Variants in DENND2A observed in about 807,000 individuals in gnomAD.
The protein encoded by DENND2A is DENN domain containing 2A, also known as DENN domain-containing protein 2A.
A neutral mutation model predicts 105.3 loss-of-function variants in DENND2A; 53 were observed. That is an observed-to-expected ratio of 0.50 (90% CI 0.40 to 0.63). DENND2A has a LOEUF of 0.63. Among genes scored for constraint, DENND2A ranks in the 30% least tolerant of loss-of-function variants. The pLI, the probability that DENND2A is intolerant of heterozygous loss-of-function variation, is 0.00. For synonymous variants in DENND2A, 522 were observed against 508.4 expected, an observed-to-expected ratio of 1.03 and a Z score of -0.36; for missense variants, 1,138 against 1,279.6, an observed-to-expected ratio of 0.89 and a Z score of 1.69.
intron 1 of DENND2A, among the ~76,000 whole-genome samples, chr7:140,633,480 C>T (rs1020815048): frequency 6.6e-6 from 1 of 152,180 alleles, no homozygotes; most frequent in Non-Finnish European, 1.5e-5. Context: ...ACTTTCTCTA[C>T]AGTCCTACTT....
intron 11 of DENND2A, among the ~76,000 whole-genome samples, 193 bp from the exon 12 acceptor site, chr7:140,555,906 T>C (rs982342139): frequency 6.6e-6 from 1 of 152,260 alleles, no homozygotes; most frequent in African/African-American, 2.4e-5. Context: ...TATCCCTATA[T>C]GTTTATTATA....
At position 140,562,168 on chromosome 7, in the gene DENND2A, G is replaced by A. The variant is rs573374954; in HGVS notation, c.1780-2351C>T. Among the ~76,000 whole-genome samples the A allele has an allele frequency of 8.5e-5, 13 of 152,074 alleles. 1 individual carries two copies. The South Asian group carries it at 1.9e-3, about 22-fold the overall frequency. Reference sequence around the variant, plus strand: ...CTCCCAAAGTGTTGGGATTACAGGCGTGAGCCACCGCGCCCGGCCCGAGCT... The same window carrying A: ...CTCCCAAAGTGTTGGGATTACAGGCATGAGCCACCGCGCCCGGCCCGAGCT... On this transcript the variant is annotated intron_variant, in intron 9 of 19. Coordinates refer to ENST00000496613, the MANE Select transcript of DENND2A (RefSeq NM_015689.5).
intron 18 of DENND2A, 109 bp from the exon 19 acceptor site, chr7:140,519,827 C>T (rs778280402): frequency 1.2e-4 from 114 of 967,410 alleles, no homozygotes; most frequent in Middle Eastern, 2.1e-4. Context: ...TGAGACTAAG[C>T]TGCTCCTATA....
chr7:140,527,665 G>T lies in DENND2A; in HGVS notation c.2328-170C>A, dbSNP rs962291376. On this transcript the variant is annotated intron_variant, in intron 14 of 19. Coordinates refer to ENST00000496613, the MANE Select transcript of DENND2A (RefSeq NM_015689.5). The surrounding 1 kb of genome is among the most constrained non-coding windows in gnomAD (Gnocchi z 4.9). ...GCACAGGCCACACCAGGCACTTAGA[G>T]CCTATGCGAGAGGCTTGCAGGCACA... 1.3e-5 allele frequency among the ~76,000 whole-genome samples: 2 copies of T among 152,162 alleles called. No homozygotes were observed. Among genetic ancestry groups the T allele is most frequent in the African/African-American group, 4.8e-5 (2 of 41,442 alleles).
intron 18 of DENND2A, 52 bp from the exon 19 acceptor site, chr7:140,519,770 A>G (rs750779329): frequency 1.3e-6 from 2 of 1,506,050 alleles, no homozygotes; most frequent in East Asian, 2.3e-5. Flanking sequence ...TTGCACTTCT[A>G]AATGTGTCCA....
intron 2 of DENND2A, among the ~76,000 whole-genome samples, chr7:140,604,785 G>A (rs1390833095): frequency 6.6e-6 from 1 of 152,188 alleles, no homozygotes; most frequent in Non-Finnish European, 1.5e-5. Flanking sequence ...TCTTCCTTCT[G>A]TAGACTGAAA....
intron 1 of DENND2A, among the ~76,000 whole-genome samples, chr7:140,632,393 G>A (rs140481351): frequency 1.1e-4 from 16 of 152,232 alleles, no homozygotes; most frequent in African/African-American, 3.9e-4. Flanking sequence ...GTGGGAGATA[G>A]ACAGAGGGGT....
At chr7:140,590,398 C>T (rs943909458) in intron 3 of DENND2A, among the ~76,000 whole-genome samples, 2 of 151,956 alleles carry the variant, frequency 1.3e-5, no homozygotes, top group South Asian at 4.1e-4. Flanking sequence ...AAAATACATA[C>T]ATACATAAAA....
chr7:140,634,412 T>G (rs1800845508), intron 1 of DENND2A, among the ~76,000 whole-genome samples: 1 of 152,236 alleles, frequency 6.6e-6, no homozygotes, highest in Non-Finnish European at 1.5e-5. Flanking sequence ...ATAGTACCTC[T>G]CTGTTCCTTA....
chr7:140,549,505 G>A (rs35378830), intron 12 of DENND2A, among the ~76,000 whole-genome samples: 72,544 of 152,004 alleles, frequency 0.48, 19,813 homozygotes, highest in East Asian at 0.81. Context: ...CAACCACCTC[G>A]GCCTCCCAAA....
At chr7:140,626,726 C>A (rs1177594650) in intron 1 of DENND2A, among the ~76,000 whole-genome samples, 1 of 152,154 alleles carries the variant, frequency 6.6e-6, no homozygotes, top group East Asian at 1.9e-4. Context: ...AGTTTCCAGG[C>A]CTGGCTCCCA....
At chr7:140,620,927 G>A (rs183367347) in intron 1 of DENND2A, among the ~76,000 whole-genome samples, 3 of 152,298 alleles carry the variant, frequency 2.0e-5, no homozygotes, top group African/African-American at 7.2e-5. Flanking sequence ...CGGGGGATTG[G>A]TTCCAGGATG....
At chr7:140,522,844 G>A (rs1294935882) in intron 17 of DENND2A, among the ~76,000 whole-genome samples, 1 of 151,960 alleles carries the variant, frequency 6.6e-6, no homozygotes, top group Non-Finnish European at 1.5e-5. Flanking sequence ...TTGACTTCAG[G>A]TGATCCACCT....
intron 1 of DENND2A, among the ~76,000 whole-genome samples, chr7:140,613,342 C>G (rs1004396373): frequency 2.6e-5 from 4 of 151,832 alleles, no homozygotes; most frequent in African/African-American, 9.7e-5. Flanking sequence ...GAGTTCAAGA[C>G]CAGCCTGGCT....
chr7:140,562,251 CACT>C (rs945714442), intron 9 of DENND2A, among the ~76,000 whole-genome samples: 2 of 152,142 alleles, frequency 1.3e-5, no homozygotes, highest in Non-Finnish European at 1.5e-5. Flanking sequence ...CAGTCCTGTT[CACT>C]GCTCCTGATG....
chr7:140,544,305 G>A (rs947025199), intron 14 of DENND2A: 4 of 460,390 alleles, frequency 8.7e-6, no homozygotes, highest in South Asian at 4.3e-5. Context: ...ATCGATTCCC[G>A]TGCCTCAGCC....
At chr7:140,570,426 G>A (rs58590331) in intron 6 of DENND2A, among the ~76,000 whole-genome samples, 44,060 of 151,980 alleles carry the variant, frequency 0.29, 6,535 homozygotes, top group Middle Eastern at 0.38. Flanking sequence ...AAAAGGAAGA[G>A]ACAGAAAAAA....
chr7:140,594,150 C>T (rs1799183771), intron 3 of DENND2A, among the ~76,000 whole-genome samples: 1 of 152,142 alleles, frequency 6.6e-6, no homozygotes, highest in Non-Finnish European at 1.5e-5. Flanking sequence ...ACAGGTGATC[C>T]ACCCCCTTCA....
In DENND2A at chr7:140,565,374, G is replaced by A. The variant is rs560179552; in HGVS notation, c.1779+1712C>T. Among the ~76,000 whole-genome samples, 11 of 152,182 alleles carry A rather than the reference G, an allele frequency of 7.2e-5. 1 individual carries two copies. Among genetic ancestry groups the A allele is most frequent in the African/African-American group, 2.4e-4 (10 of 41,530 alleles). ...GGTTATTTTATGTCCTCCTGGGAGA[G>A]TTTAAATTCCTTGAGGACAGGAGAC... On this transcript the variant is annotated intron_variant, in intron 9 of 19. Transcript: ENST00000496613.
Sources: gnomAD v4.1 joint callset for allele counts (sites outside exome capture counted in the v4.1 genomes callset) on GRCh38, gnomAD v4.1.1 for gene constraint, Gnocchi (gnomAD v3.1) non-coding constraint, MANE v1.5 for transcripts, NCBI Gene and HGNC (gene_info 2026-07-23, HGNC 2026-07-21) for gene names.